The following EFCAB6 variants were observed in gnomAD, a reference collection of about 807,000 sequenced individuals.
EFCAB6 encodes the protein EF-hand calcium-binding domain-containing protein 6.
EFCAB6 carries 156 observed loss-of-function variants against 169.8 expected under a neutral mutation model. The ratio of observed to expected loss-of-function variants is 0.92; its 90% CI spans 0.81 to 1.05. The LOEUF (loss-of-function observed/expected upper bound fraction) is 1.05. EFCAB6 is among the 50% of genes least tolerant of loss of function. The pLI, the probability that EFCAB6 is intolerant of heterozygous loss-of-function variation, is 0.00. For synonymous variants in EFCAB6, 698 were observed against 676.4 expected, an observed-to-expected ratio of 1.03 and a Z score of -0.50; for missense variants, 1,800 against 1,829.1, an observed-to-expected ratio of 0.98 and a Z score of 0.29.
intron 21 of EFCAB6, among the ~76,000 whole-genome samples, chr22:43,614,986 T>C (rs951374955): frequency 2.6e-5 from 4 of 152,138 alleles, no homozygotes; most frequent in African/African-American, 4.8e-5. Context: ...GTCCACTCTG[T>C]GCAGGACAGG....
At chr22:43,782,028 A>G in intron 3 of EFCAB6, 152 bp downstream of exon 3, 1 of 759,184 alleles carries the variant, frequency 1.3e-6, no homozygotes, top group Non-Finnish European at 2.0e-6. Flanking sequence ...CAATTTCCCC[A>G]TATAGAAAAC....
intron 10 of EFCAB6, among the ~76,000 whole-genome samples, chr22:43,699,540 G>A (rs1440907192): frequency 2.0e-5 from 3 of 152,086 alleles, no homozygotes; most frequent in Admixed American, 2.0e-4. Context: ...TTTTTAGTGT[G>A]CCATCTGTTT....
At chr22:43,608,659 A>C in intron 21 of EFCAB6, 59 bp from the exon 22 acceptor site, 1 of 1,526,214 alleles carries the variant, frequency 6.6e-7, no homozygotes, top group Non-Finnish European at 9.1e-7. Flanking sequence ...ACAGCAGAAA[A>C]GATGTTCAAT....
chr22:43,631,461 G>C (rs765319947), intron 19 of EFCAB6, among the ~76,000 whole-genome samples: 1 of 151,902 alleles, frequency 6.6e-6, no homozygotes, highest in Admixed American at 6.5e-5. Context: ...CATCTGTCCC[G>C]GCCTGGCTCA....
chr22:43,626,314 T>C, intron 20 of EFCAB6, 133 bp downstream of exon 20: 1 of 907,670 alleles, frequency 1.1e-6, no homozygotes, highest in Non-Finnish European at 1.6e-6. Context: ...GTATGACTTT[T>C]TCTGAACCAA....
At chr22:43,556,126 A>G (rs2048692066) in intron 26 of EFCAB6, among the ~76,000 whole-genome samples, 1 of 152,158 alleles carries the variant, frequency 6.6e-6, no homozygotes. Flanking sequence ...ACTGGGCTCC[A>G]CGTTGAAGTC....
intron 19 of EFCAB6, among the ~76,000 whole-genome samples, chr22:43,630,179 T>C (rs1602735524): frequency 1.3e-5 from 2 of 152,098 alleles, no homozygotes; most frequent in African/African-American, 2.4e-5. Context: ...CATTAAAAAA[T>C]TGAGACCCGT....
chr22:43,712,349 C>A (rs1327673068), intron 9 of EFCAB6, among the ~76,000 whole-genome samples: 1 of 151,680 alleles, frequency 6.6e-6, no homozygotes, highest in African/African-American at 2.4e-5. Context: ...TTTTTTCCTG[C>A]TAACTGGGAT....
intron 2 of EFCAB6, among the ~76,000 whole-genome samples, chr22:43,782,756 C>T (rs887267832): frequency 9.9e-5 from 15 of 152,154 alleles, no homozygotes; most frequent in Admixed American, 7.2e-4. Context: ...TCCTCTCCTT[C>T]ATTAAATCAA....
intron 26 of EFCAB6, among the ~76,000 whole-genome samples, chr22:43,561,973 G>A (rs1289568630): frequency 2.0e-5 from 3 of 152,146 alleles, no homozygotes; most frequent in African/African-American, 2.4e-5. Context: ...GCTGGGCCCG[G>A]TCCGTGCTGG....
intron 13 of EFCAB6, among the ~76,000 whole-genome samples, chr22:43,675,039 C>T (rs1015219810): frequency 7.2e-5 from 11 of 151,798 alleles, no homozygotes; most frequent in African/African-American, 2.2e-4. Flanking sequence ...CTATGCAGGA[C>T]GGGTACGGGG....
chr22:43,670,354 T>G (rs530229160), intron 15 of EFCAB6, among the ~76,000 whole-genome samples: 2 of 152,214 alleles, frequency 1.3e-5, no homozygotes, highest in Non-Finnish European at 2.9e-5. Flanking sequence ...CCAAAAGTGC[T>G]GAGAACCACT....
At chr22:43,772,217 C>T (rs1383979369) in intron 4 of EFCAB6, among the ~76,000 whole-genome samples, 2 of 152,286 alleles carry the variant, frequency 1.3e-5, no homozygotes, top group East Asian at 1.9e-4. Context: ...TTATCTGCAC[C>T]GCAGTGTCTA....
intron 4 of EFCAB6, 29 bp downstream of exon 4, chr22:43,772,863 G>A (rs765974339): frequency 4.6e-5 from 74 of 1,609,258 alleles, no homozygotes; most frequent in Non-Finnish European, 5.3e-5. Context: ...TGGAATTGAG[G>A]GATTCTAAGT....
intron 22 of EFCAB6, among the ~76,000 whole-genome samples, chr22:43,608,200 C>T (rs1330428811): frequency 1.1e-4 from 16 of 152,168 alleles, no homozygotes; most frequent in Admixed American, 9.2e-4. Flanking sequence ...TGGGCTTGAG[C>T]TCCCAGGTCC....
At chr22:43,626,414 T>A (rs1437640772) in intron 20 of EFCAB6, 33 bp downstream of exon 20, 1 of 1,602,958 alleles carries the variant, frequency 6.2e-7, no homozygotes, top group Admixed American at 1.7e-5. Context: ...GGCCGGCATA[T>A]ATTAAAGACA....
intron 12 of EFCAB6, among the ~76,000 whole-genome samples, chr22:43,678,950 G>A (rs1225542271): frequency 1.3e-5 from 2 of 152,062 alleles, no homozygotes; most frequent in African/African-American, 2.4e-5. Context: ...TCTCTTGAGG[G>A]GTAAATTAAG....
At chr22:43,715,862 T>A (rs2147423617) in intron 9 of EFCAB6, among the ~76,000 whole-genome samples, 1 of 152,370 alleles carries the variant, frequency 6.6e-6, no homozygotes, top group East Asian at 1.9e-4. Flanking sequence ...AACACCCTTA[T>A]CGACACTGGC....
At chr22:43,687,719 C>A in intron 10 of EFCAB6, 138 bp from the exon 11 acceptor site, 1 of 524,086 alleles carries the variant, frequency 1.9e-6, no homozygotes. Context: ...TAAACAAAAT[C>A]ACTTAGTAAA....
Sources: allele counts gnomAD v4.1 joint callset (sites outside exome capture counted in the v4.1 genomes callset), GRCh38; gene constraint gnomAD v4.1.1; transcripts MANE v1.5; gene names NCBI Gene and HGNC (gene_info 2026-07-23, HGNC 2026-07-21).